The following ZBBX variants were observed in gnomAD, a reference collection of about 807,000 sequenced individuals.
ZBBX encodes the protein zinc finger B-box domain containing.
Under a neutral mutation model 108.5 loss-of-function variants are expected in ZBBX, and 101 were observed. The observed-to-expected ratio is 0.93, with a 90% CI of 0.79 to 1.10. The LOEUF is 1.10. Ranked by LOEUF, ZBBX falls within the 50% of genes least tolerant of loss-of-function variation. The probability of loss-of-function intolerance (pLI) is 0.00; values close to 1 mark genes in which losing one functional copy is unlikely to be tolerated. For synonymous variants in ZBBX, 356 were observed against 323.4 expected, an observed-to-expected ratio of 1.10 and a Z score of -1.08; for missense variants, 1,009 against 941.4, an observed-to-expected ratio of 1.07 and a Z score of -0.94.
chr3:167,292,666 C>T (rs1730914669), intron 18 of ZBBX, among the ~76,000 whole-genome samples: 1 of 152,028 alleles, frequency 6.6e-6, no homozygotes, highest in African/African-American at 2.4e-5. Flanking sequence ...CAAACAAATG[C>T]AAAAGCTAGC....
intron 20 of ZBBX, among the ~76,000 whole-genome samples, chr3:167,263,640 G>A (rs1469775774): frequency 2.6e-5 from 4 of 152,124 alleles, no homozygotes; most frequent in Non-Finnish European, 5.9e-5. Flanking sequence ...CCTAACACAT[G>A]GTCTATCTTT....
intron 6 of ZBBX, among the ~76,000 whole-genome samples, chr3:167,361,421 G>A (rs1314021306): frequency 2.6e-5 from 4 of 152,150 alleles, no homozygotes; most frequent in Non-Finnish European, 5.9e-5. Flanking sequence ...AAACGAGAAT[G>A]AAGGATGGTG....
intron 9 of ZBBX, among the ~76,000 whole-genome samples, chr3:167,335,111 C>T (rs1024238771): frequency 3.3e-5 from 5 of 151,380 alleles, no homozygotes; most frequent in Non-Finnish European, 7.4e-5. Flanking sequence ...TAATATCCTG[C>T]GTAGATCTCT....
chr3:167,352,650 C>T (rs1327053994), intron 8 of ZBBX, among the ~76,000 whole-genome samples: 1 of 151,596 alleles, frequency 6.6e-6, no homozygotes, highest in Non-Finnish European at 1.5e-5. Context: ...AACCCTGCTA[C>T]CAAAGCCAGG....
chr3:167,286,889 T>C (rs556909602), intron 19 of ZBBX, among the ~76,000 whole-genome samples: 76 of 152,304 alleles, frequency 5.0e-4, no homozygotes, highest in African/African-American at 1.7e-3. Flanking sequence ...TTCCTCTATA[T>C]ACTGGCATCA....
intron 6 of ZBBX, among the ~76,000 whole-genome samples, chr3:167,364,716 C>A (rs71627208): frequency 0.079 from 12,013 of 151,936 alleles, 514 homozygotes; most frequent in Admixed American, 0.11. Flanking sequence ...TATTAAAGTT[C>A]TCTTTGCCAA....
At chr3:167,241,730 A>C (rs948679248) in intron 21 of ZBBX, among the ~76,000 whole-genome samples, 2 of 152,284 alleles carry the variant, frequency 1.3e-5, no homozygotes, top group Admixed American at 1.3e-4. Context: ...TTTTTTTACA[A>C]GAGAAAGAAA....
rs1448013382 is a variant in ZBBX at position 167,359,902 on chromosome 3, AT to A, written c.399del (p.Cys134ValfsTer34). On this transcript the variant is annotated frameshift_variant, in exon 8 of 22. Coordinates refer to ENST00000675490, the MANE Select transcript of ZBBX (RefSeq NM_001199201.2). LOFTEE classifies it high-confidence loss of function. ...ECEKPKINGK[V>X]CGQCENKAAL... ...GCAGCTTTGTTCTCACACTGTCCAC[AT>A]ACTTTCCCATTTATCTTGGGTTTTT... The A allele has an allele frequency of 3.8e-6, 6 of 1,567,038 alleles. No individual in the cohort carries two copies. The highest frequency in any genetic ancestry group is 1.2e-5 in the South Asian group (1 of 84,120).
chr3:167,320,242 C>A (rs1401353919), intron 12 of ZBBX, among the ~76,000 whole-genome samples: 3 of 95,678 alleles, frequency 3.1e-5, no homozygotes, highest in South Asian at 3.3e-4. Flanking sequence ...AGCAAACTAA[C>A]CAAAAAAAAA....
chr3:167,265,190 G>A (rs1230218060), intron 20 of ZBBX, among the ~76,000 whole-genome samples: 1 of 152,126 alleles, frequency 6.6e-6, no homozygotes, highest in Non-Finnish European at 1.5e-5. Context: ...GAATGTGCTG[G>A]GTCTCCCCTG....
At chr3:167,257,651 T>C (rs1044684290) in intron 20 of ZBBX, among the ~76,000 whole-genome samples, 1 of 152,118 alleles carries the variant, frequency 6.6e-6, no homozygotes, top group Non-Finnish European at 1.5e-5. Flanking sequence ...ATATGGTTAT[T>C]GTCCTTTATT....
chr3:167,361,469 T>C (rs1457768399), intron 6 of ZBBX, among the ~76,000 whole-genome samples: 1 of 152,142 alleles, frequency 6.6e-6, no homozygotes, highest in Non-Finnish European at 1.5e-5. Context: ...GGCCTAGTTT[T>C]CAATTTGCAA....
At chr3:167,219,790 T>TA in the ZBBX span, among the ~76,000 whole-genome samples, 1 of 151,648 alleles carries the variant, frequency 6.6e-6, no homozygotes. Context: ...AAACTGGATT[T>TA]AAAAAACTAC....
chr3:167,319,523 A>T (rs1427857945), intron 12 of ZBBX, among the ~76,000 whole-genome samples: 2 of 152,044 alleles, frequency 1.3e-5, no homozygotes, highest in Non-Finnish European at 2.9e-5. Context: ...ATCAGTGAGG[A>T]TATGGGCTGA....
chr3:167,317,420 G>T, intron 13 of ZBBX, 68 bp downstream of exon 13: 2 of 1,206,248 alleles, frequency 1.7e-6, no homozygotes, highest in East Asian at 2.4e-5. Context: ...AGCAGATTCT[G>T]ATTAATGCTT....
rs539613776 is a variant in ZBBX at position 167,270,084 on chromosome 3, A to G, written c.2254+12154T>C. Among the ~76,000 whole-genome samples, 10 of 152,344 alleles carry G rather than the reference A, an allele frequency of 6.6e-5. No individual in the cohort carries two copies. The South Asian group carries it at 2.1e-3, about 32-fold the overall frequency. ...GCTCCAATATGTTGATGATATCCTC[A>G]TATCAGGAGAGGATGTGGAAAAAGT... is the stretch of plus-strand genomic sequence containing the variant. On this transcript the variant is annotated intron_variant, in intron 20 of 21. Transcript: ENST00000675490.
intron 20 of ZBBX, among the ~76,000 whole-genome samples, chr3:167,247,945 T>A (rs886711449): frequency 6.6e-6 from 1 of 152,224 alleles, no homozygotes; most frequent in Admixed American, 6.5e-5. Context: ...AGACTTCGTA[T>A]CTTTTCTCTC....
At chr3:167,218,209 A>T in the ZBBX span, among the ~76,000 whole-genome samples, 3 of 152,156 alleles carry the variant, frequency 2.0e-5, no homozygotes, top group South Asian at 4.1e-4. Context: ...CCCCCATGAC[A>T]TGTGTTTATC....
chr3:167,277,178 T>G (rs184708865), intron 20 of ZBBX, among the ~76,000 whole-genome samples: 2,541 of 149,380 alleles, frequency 0.017, 77 homozygotes, highest in African/African-American at 0.06. Flanking sequence ...AGGAAGAAAC[T>G]GCATCAACTA....
Sources: allele counts gnomAD v4.1 joint callset (sites outside exome capture counted in the v4.1 genomes callset), GRCh38; gene constraint gnomAD v4.1.1; transcripts MANE v1.5; gene names NCBI Gene and HGNC (gene_info 2026-07-23, HGNC 2026-07-21).